PDE4D: variants seen among roughly 807,000 people sequenced by gnomAD.
The protein encoded by PDE4D is phosphodiesterase 4D, also known as 3',5'-cyclic-AMP phosphodiesterase 4D.
PDE4D carries 24 observed loss-of-function variants against 87.4 expected under a neutral mutation model. The observed-to-expected ratio is 0.27, with a 90% CI of 0.20 to 0.39. The LOEUF is 0.39. Ranked by LOEUF, PDE4D falls within the 10% of genes least tolerant of loss-of-function variation. PDE4D has a pLI of 1.00. For missense variants in PDE4D, 714 were observed against 1,041.0 expected, an observed-to-expected ratio of 0.69 and a Z score of 4.32; for synonymous variants, 384 against 383.2, an observed-to-expected ratio of 1.00 and a Z score of -0.02.
intron 5 of PDE4D, among the ~76,000 whole-genome samples, chr5:59,082,619 G>A (rs557404479): frequency 8.4e-4 from 127 of 151,812 alleles, no homozygotes; most frequent in South Asian, 7.5e-3. Context: ...AATAAACAAC[G>A]AAAAATGTAA....
At chr5:60,003,788 A>G (rs2152840347) in intron 2 of PDE4D, among the ~76,000 whole-genome samples, 1 of 152,162 alleles carries the variant, frequency 6.6e-6, no homozygotes, top group Non-Finnish European at 1.5e-5. Context: ...TATATTACAA[A>G]GCTATAGTAA....
chr5:58,993,290 G>A (rs1371025991), intron 7 of PDE4D, 82 bp downstream of exon 7: 1 of 701,584 alleles, frequency 1.4e-6, no homozygotes, highest in South Asian at 2.3e-5. Flanking sequence ...TTTCCAAAAT[G>A]AGTTGGCACC....
chr5:59,761,226 G>A (rs1761928520), intron 1 of PDE4D, among the ~76,000 whole-genome samples: 1 of 152,158 alleles, frequency 6.6e-6, no homozygotes, highest in South Asian at 2.1e-4. Context: ...CACTGACCAC[G>A]AATGCAGCTT....
intron 1 of PDE4D, among the ~76,000 whole-genome samples, chr5:60,384,520 T>C (rs1237759257): frequency 1.3e-5 from 2 of 152,208 alleles, no homozygotes; most frequent in Non-Finnish European, 2.9e-5. Flanking sequence ...CTCTGCAGTC[T>C]TTGACTCTGT....
At position 59,121,303 on chromosome 5, in the gene PDE4D, T is replaced by A. The variant is rs961370533; in HGVS notation, c.808+59292A>T. 2.6e-5 allele frequency among the ~76,000 whole-genome samples: 4 copies of A among 152,106 alleles called. No individual in the cohort carries two copies. In the East Asian group the frequency reaches 7.7e-4, roughly 29 times the overall value. Reference sequence around the variant, plus strand: ...GGAGAAAATATTTGCAAACTACTCATCTGACAAGGGAATAATATTCAGAAT... The same window carrying A: ...GGAGAAAATATTTGCAAACTACTCAACTGACAAGGGAATAATATTCAGAAT... On this transcript the variant is annotated intron_variant, in intron 5 of 14. Coordinates refer to ENST00000340635, the MANE Select transcript of PDE4D (RefSeq NM_001104631.2).
intron 1 of PDE4D, among the ~76,000 whole-genome samples, chr5:59,411,726 T>C (rs1456117056): frequency 6.6e-6 from 1 of 152,164 alleles, no homozygotes; most frequent in Non-Finnish European, 1.5e-5. Flanking sequence ...AAAGACCTTA[T>C]CTCCATGGTT....
intron 1 of PDE4D, among the ~76,000 whole-genome samples, chr5:60,382,628 C>T (rs1264494038): frequency 6.6e-6 from 1 of 152,206 alleles, no homozygotes; most frequent in African/African-American, 2.4e-5. Context: ...TTCTGGCTGA[C>T]TTCCCCCATT....
At chr5:59,573,184 A>C (rs1822173600) in intron 1 of PDE4D, among the ~76,000 whole-genome samples, 1 of 152,172 alleles carries the variant, frequency 6.6e-6, no homozygotes, top group East Asian at 1.9e-4. Context: ...GCCTCCCTTG[A>C]GATCTAAACA....
chr5:58,979,845 G>C (rs572275438), intron 11 of PDE4D, among the ~76,000 whole-genome samples: 1 of 151,784 alleles, frequency 6.6e-6, no homozygotes, highest in South Asian at 2.1e-4. Context: ...TCTTTTAATC[G>C]TTCCTCCCCA....
At chr5:59,696,261 T>C (rs1278009471) in intron 1 of PDE4D, among the ~76,000 whole-genome samples, 1 of 152,168 alleles carries the variant, frequency 6.6e-6, no homozygotes, top group Non-Finnish European at 1.5e-5. Flanking sequence ...ACTCAGGCCA[T>C]TTTTCCAGAG....
chr5:59,701,344 A>G (rs1348653520), intron 1 of PDE4D, among the ~76,000 whole-genome samples: 1 of 152,134 alleles, frequency 6.6e-6, no homozygotes, highest in African/African-American at 2.4e-5. Flanking sequence ...CTACGTAAAT[A>G]TTTGCTTCCC....
At chr5:60,273,542 A>G (rs954147352) in intron 1 of PDE4D, among the ~76,000 whole-genome samples, 3 of 152,232 alleles carry the variant, frequency 2.0e-5, no homozygotes, top group African/African-American at 7.2e-5. Context: ...AAAGTGGATT[A>G]GAGATGGACA....
At chr5:59,520,165 A>G (rs1208728366) in intron 1 of PDE4D, among the ~76,000 whole-genome samples, 1 of 152,206 alleles carries the variant, frequency 6.6e-6, no homozygotes, top group Non-Finnish European at 1.5e-5. Flanking sequence ...TCGAAGGCTA[A>G]GGCAGGAGAA....
At chr5:60,399,306 T>C (rs1355586550) in intron 1 of PDE4D, among the ~76,000 whole-genome samples, 1 of 152,094 alleles carries the variant, frequency 6.6e-6, no homozygotes, top group Non-Finnish European at 1.5e-5. Flanking sequence ...ATACAGACTA[T>C]TAATAAGGGG....
At chr5:59,211,839 C>T (rs1335209037) in intron 2 of PDE4D, among the ~76,000 whole-genome samples, 1 of 152,066 alleles carries the variant, frequency 6.6e-6, no homozygotes, top group Non-Finnish European at 1.5e-5. Context: ...TGACGATATC[C>T]TATCTACTAG....
At chr5:60,402,372 G>A (rs1741167230) in intron 1 of PDE4D, among the ~76,000 whole-genome samples, 1 of 152,218 alleles carries the variant, frequency 6.6e-6, no homozygotes, top group Admixed American at 6.5e-5. Context: ...AGGCAGTAAT[G>A]TCTACTACAT....
intron 1 of PDE4D, among the ~76,000 whole-genome samples, chr5:59,631,544 A>G (rs1831561538): frequency 6.6e-6 from 1 of 152,040 alleles, no homozygotes. Flanking sequence ...CAACTGAGGT[A>G]CCCAGCTCAT....
At chr5:59,410,862 C>T (rs1285404604) in intron 1 of PDE4D, among the ~76,000 whole-genome samples, 1 of 152,110 alleles carries the variant, frequency 6.6e-6, no homozygotes, top group Admixed American at 6.6e-5. Context: ...TTTTCTATCT[C>T]CTCTCTTGGC....
chr5:60,114,613 C>T (rs952414933), intron 2 of PDE4D, among the ~76,000 whole-genome samples: 2 of 151,932 alleles, frequency 1.3e-5, no homozygotes, highest in Admixed American at 1.3e-4. Context: ...AAAGAAAAAC[C>T]AAATGATTCA....
Sources: allele counts gnomAD v4.1 joint callset (sites outside exome capture counted in the v4.1 genomes callset), GRCh38; gene constraint gnomAD v4.1.1; transcripts MANE v1.5; gene names NCBI Gene and HGNC (gene_info 2026-07-23, HGNC 2026-07-21).